Variants in SOX13 observed in about 807,000 individuals in gnomAD.
The protein encoded by SOX13 is SRY-box transcription factor 13, also known as transcription factor SOX-13.
Under a neutral mutation model 71.8 loss-of-function variants are expected in SOX13, and 28 were observed. The observed-to-expected ratio is 0.39, with a 90% CI of 0.29 to 0.53. The LOEUF is 0.53. Ranked by LOEUF, SOX13 falls within the 20% of genes least tolerant of loss-of-function variation. The pLI, the probability that SOX13 is intolerant of heterozygous loss-of-function variation, is 0.70. For synonymous variants in SOX13, 309 were observed against 317.8 expected (o/e 0.97, Z 0.29); for missense variants, 627 against 810.3 (o/e 0.77, Z 2.75).
At chr1:204,074,322 T>G (rs780821058) in intron 1 of SOX13, 1 of 151,874 alleles carries the variant, frequency 6.6e-6, no homozygotes, top group Non-Finnish European at 1.5e-5. Context: ...CGGCTGCTCC[T>G]GTCCCACCCC....
intron 13 of SOX13, among the ~76,000 whole-genome samples, 155 bp downstream of exon 13, chr1:204,125,012 C>G (rs1233644728): frequency 1.3e-5 from 2 of 152,118 alleles, no homozygotes; most frequent in Non-Finnish European, 2.9e-5. Flanking sequence ...ATAGCTGAGC[C>G]TGCACGTGCG....
chr1:204,083,538 T>C (rs1352725769), intron 1 of SOX13, among the ~76,000 whole-genome samples: 1 of 152,214 alleles, frequency 6.6e-6, no homozygotes, highest in African/African-American at 2.4e-5. Flanking sequence ...AGGAGATAGC[T>C]TGGATAGTCA....
intron 1 of SOX13, among the ~76,000 whole-genome samples, chr1:204,082,215 ATG>A (rs934086536): frequency 1.8e-4 from 26 of 148,320 alleles, no homozygotes; most frequent in Non-Finnish European, 3.1e-4. Context: ...TATGAGTGTG[ATG>A]TGTGTGTGTG....
In SOX13 at chr1:204,126,981, A is replaced by G. The variant is rs956149136; in HGVS notation, c.*847A>G. The G allele has an allele frequency of 3.3e-5, 5 of 153,486 alleles. No individual in the cohort carries two copies. Among genetic ancestry groups the G allele is most frequent in the African/African-American group, 1.2e-4 (5 of 41,324 alleles). The allele number at this position is 153,486 out of a possible 1,614,324, so 9.5% of individuals were successfully genotyped here. On this transcript the variant is annotated 3_prime_UTR_variant, in exon 14 of 14. Coordinates refer to ENST00000367204, the MANE Select transcript of SOX13 (RefSeq NM_005686.3). ...TGTGCCCTCTGGATTCTCTGGGTCT[A>G]TGTAGGCCCCTGGTCTGCCCTGGGC...
chr1:204,087,968 G>A (rs946404636), intron 1 of SOX13, among the ~76,000 whole-genome samples: 6 of 152,184 alleles, frequency 3.9e-5, no homozygotes, highest in Non-Finnish European at 5.9e-5. Flanking sequence ...TGGTCTATGC[G>A]GTATGTCTGA....
At chr1:204,097,696 A>G (rs1466325545) in intron 1 of SOX13, among the ~76,000 whole-genome samples, 2 of 149,894 alleles carry the variant, frequency 1.3e-5, no homozygotes, top group African/African-American at 4.9e-5. Context: ...TCCGTCTCAA[A>G]AAAAAAAAAA....
chr1:204,080,889 T>G (rs1415279059), intron 1 of SOX13, among the ~76,000 whole-genome samples: 2 of 149,742 alleles, frequency 1.3e-5, no homozygotes, highest in Non-Finnish European at 3.0e-5. Context: ...CTGGGGGTGG[T>G]CAATATCCTT....
chr1:204,122,130 T>A, intron 8 of SOX13, 107 bp from the exon 9 acceptor site: 1 of 1,127,564 alleles, frequency 8.9e-7, no homozygotes, highest in Non-Finnish European at 1.3e-6. Flanking sequence ...CACTTTTCTG[T>A]CTGTCTCCTT....
At chr1:204,098,456 G>A (rs1345333651) in intron 1 of SOX13, among the ~76,000 whole-genome samples, 2 of 151,802 alleles carry the variant, frequency 1.3e-5, no homozygotes, top group African/African-American at 4.8e-5. Flanking sequence ...TCCAGCCTGG[G>A]TGACAGAGCG....
chr1:204,074,250 A>G (rs1036784436), intron 1 of SOX13: 8 of 151,946 alleles, frequency 5.3e-5, no homozygotes, highest in Admixed American at 2.0e-4. Flanking sequence ...TCCCCTTGCC[A>G]CGGTTTCAGG....
intron 1 of SOX13, among the ~76,000 whole-genome samples, chr1:204,104,848 G>T (rs761448437): frequency 6.6e-6 from 1 of 152,116 alleles, no homozygotes; most frequent in Non-Finnish European, 1.5e-5. Flanking sequence ...TTTTTTGTAG[G>T]GTGGGGGAAG....
chr1:204,080,216 T>TC (rs1202253239), intron 1 of SOX13, among the ~76,000 whole-genome samples: 1 of 152,018 alleles, frequency 6.6e-6, no homozygotes, highest in Non-Finnish European at 1.5e-5. Context: ...CCCTCCACTC[T>TC]CCCCCCAGCG....
At chr1:204,116,448 A>G (rs1267561646) in intron 4 of SOX13, 59 bp from the exon 5 acceptor site, 17 of 1,613,130 alleles carry the variant, frequency 1.1e-5, no homozygotes, top group Non-Finnish European at 1.4e-5. Context: ...GGATAGATGG[A>G]TGGATGTATA....
chr1:204,083,621 G>A (rs990900893), intron 1 of SOX13, among the ~76,000 whole-genome samples: 4 of 152,150 alleles, frequency 2.6e-5, no homozygotes, highest in African/African-American at 4.8e-5. Context: ...AAGCAGCCGC[G>A]GGGCCTTACT....
chr1:204,090,163 C>T (rs1451481448), intron 1 of SOX13, among the ~76,000 whole-genome samples: 6 of 152,236 alleles, frequency 3.9e-5, no homozygotes, highest in Middle Eastern at 3.4e-3. Flanking sequence ...GGCAGATTCA[C>T]TGGAAGGATA....
At chr1:204,084,686 C>A (rs1004980114) in intron 1 of SOX13, among the ~76,000 whole-genome samples, 2 of 152,144 alleles carry the variant, frequency 1.3e-5, no homozygotes, top group African/African-American at 4.8e-5. Context: ...TCCCTGGCCT[C>A]AGGGAGCCAG....
At chr1:204,113,686 T>C (rs914314265) in intron 2 of SOX13, among the ~76,000 whole-genome samples, 5 of 150,966 alleles carry the variant, frequency 3.3e-5, no homozygotes, top group African/African-American at 1.2e-4. Context: ...AGGAGAGTTA[T>C]GGGCTCTAAG....
chr1:204,125,654 A>G (rs1656904210), intron 13 of SOX13, among the ~76,000 whole-genome samples: 1 of 152,220 alleles, frequency 6.6e-6, no homozygotes, highest in Non-Finnish European at 1.5e-5. Flanking sequence ...GAACACATCT[A>G]TGGCCCTAGG....
chr1:204,080,177 T>C (rs1169721797), intron 1 of SOX13, among the ~76,000 whole-genome samples: 2 of 152,132 alleles, frequency 1.3e-5, no homozygotes, highest in Non-Finnish European at 2.9e-5. Flanking sequence ...AGTCTGACAC[T>C]GGGAAGTCAT....
Sources: gnomAD v4.1 joint callset for allele counts (sites outside exome capture counted in the v4.1 genomes callset) on GRCh38, gnomAD v4.1.1 for gene constraint, MANE v1.5 for transcripts, NCBI Gene and HGNC (gene_info 2026-07-23, HGNC 2026-07-21) for gene names.